The following TRIM44 variants were observed in gnomAD, a reference collection of about 807,000 sequenced individuals.
The protein encoded by TRIM44 is tripartite motif containing 44.
TRIM44 carries 13 observed loss-of-function variants against 37.4 expected under a neutral mutation model. That is an observed-to-expected ratio of 0.35 (90% confidence interval 0.23 to 0.55). TRIM44 has a LOEUF of 0.55. TRIM44 is among the 20% of genes least tolerant of loss of function. The pLI is 0.89. For missense variants in TRIM44, 426 were observed against 437.2 expected (o/e 0.97, Z 0.23); for synonymous variants, 175 against 157.2 (o/e 1.11, Z -0.85).
chr11:35,780,236 A>C (rs576566652), intron 4 of TRIM44, among the ~76,000 whole-genome samples: 2 of 152,230 alleles, frequency 1.3e-5, no homozygotes, highest in Non-Finnish European at 2.9e-5. Context: ...TATTTAAAAT[A>C]GATTTATAAG....
At chr11:35,787,921 C>G (rs866826008) in intron 4 of TRIM44, among the ~76,000 whole-genome samples, 6 of 152,182 alleles carry the variant, frequency 3.9e-5, no homozygotes, top group Admixed American at 2.0e-4. Flanking sequence ...AATGAATTAC[C>G]CTGTTTATGG....
intron 2 of TRIM44, among the ~76,000 whole-genome samples, chr11:35,692,022 G>A (rs1851642117): frequency 6.6e-6 from 1 of 152,226 alleles, no homozygotes; most frequent in South Asian, 2.1e-4. Context: ...TGTGTAGCAC[G>A]TTTGCACCAT....
rs1293269430 is a variant in TRIM44, at chr11:35,663,162, G to A, written c.51G>A (p.Thr17=). ...AAFEELPHDG[T]CDECEPDEAP... ...TCGAGGAACTGCCTCACGACGGCACGTGTGACGAGTGCGAGCCCGACGAGG... is the reference window on the plus strand; with the variant it reads ...TCGAGGAACTGCCTCACGACGGCACATGTGACGAGTGCGAGCCCGACGAGG... The change falls in exon 1 of 5, where the codon ACG becomes ACA. Residue 17 remains threonine, a synonymous_variant. Transcript: ENST00000299413. 1 of 1,562,036 alleles carries A rather than the reference G, an allele frequency of 6.4e-7. No homozygotes were observed. The highest frequency in any genetic ancestry group is 1.2e-5 in the South Asian group (1 of 82,224).
intron 4 of TRIM44, among the ~76,000 whole-genome samples, chr11:35,754,334 T>C (rs556254377): frequency 7.9e-5 from 12 of 152,254 alleles, no homozygotes; most frequent in Admixed American, 4.6e-4. Flanking sequence ...TAGTACAAAA[T>C]GGATAGCCAG....
intron 4 of TRIM44, among the ~76,000 whole-genome samples, chr11:35,754,953 T>C (rs990485915): frequency 7.2e-5 from 11 of 152,312 alleles, no homozygotes; most frequent in East Asian, 3.9e-4. Context: ...TGAATAGTGC[T>C]GCAATAAACA....
chr11:35,666,519 G>A (rs887264380), intron 1 of TRIM44, among the ~76,000 whole-genome samples: 6 of 152,002 alleles, frequency 3.9e-5, no homozygotes, highest in African/African-American at 9.7e-5. Flanking sequence ...TTATTGCTTC[G>A]CAGTTAAGTT....
At chr11:35,758,124 G>A (rs1852672199) in intron 4 of TRIM44, among the ~76,000 whole-genome samples, 3 of 152,250 alleles carry the variant, frequency 2.0e-5, no homozygotes, top group Non-Finnish European at 2.9e-5. Flanking sequence ...TTATTATTGT[G>A]TGGGAGTCTA....
chr11:35,758,423 A>T (rs1358037207), intron 4 of TRIM44, among the ~76,000 whole-genome samples: 2 of 152,182 alleles, frequency 1.3e-5, no homozygotes, highest in Non-Finnish European at 2.9e-5. Context: ...TCCTGAATAC[A>T]GTACACTGAT....
chr11:35,708,619 G>A lies in TRIM44; in HGVS notation c.748-17305G>A, dbSNP rs548194515. ...AGTTCATGTCCTTTGTAGGGACATG[G>A]ATGAAATTGGAAATCATCATTCTCA... On this transcript the variant is annotated intron_variant, in intron 2 of 4. Coordinates refer to ENST00000299413, the MANE Select transcript of TRIM44 (RefSeq NM_017583.6). Among the ~76,000 whole-genome samples the A allele has an allele frequency of 1.3e-4, 19 of 151,746 alleles. 1 individual carries two copies. The highest frequency in any genetic ancestry group is 6.2e-4 in the South Asian group (3 of 4,822).
At chr11:35,772,114 G>A (rs185590305) in intron 4 of TRIM44, among the ~76,000 whole-genome samples, 44 of 152,348 alleles carry the variant, frequency 2.9e-4, no homozygotes, top group Non-Finnish European at 5.6e-4. Flanking sequence ...GGTGTAAGCC[G>A]CAAGCCTTGA....
intron 2 of TRIM44, among the ~76,000 whole-genome samples, chr11:35,707,670 C>G (rs1851908384): frequency 6.8e-6 from 1 of 147,816 alleles, no homozygotes; most frequent in African/African-American, 2.4e-5. Flanking sequence ...GGAAAGGATT[C>G]CCTATTTAAT....
At chr11:35,695,716 A>AAC (rs1291185176) in intron 2 of TRIM44, among the ~76,000 whole-genome samples, 1 of 152,164 alleles carries the variant, frequency 6.6e-6, no homozygotes. Flanking sequence ...TATAGATGAA[A>AAC]ACACAATTGA....
chr11:35,663,825 C>G, intron 1 of TRIM44, 45 bp downstream of exon 1: 1 of 1,552,340 alleles, frequency 6.4e-7, no homozygotes, highest in Non-Finnish European at 8.7e-7. Context: ...GTCAGGACAC[C>G]TGGGTTTCAA....
Position 35,677,562 on chromosome 11 carries a change from T to G in TRIM44, c.670-7697T>G, listed in dbSNP as rs56799225. The stretch of plus-strand genomic sequence containing the variant: ...CTTAGCTTGTACTGCTTCTCTAAAC[T>G]TTCTGCATATTCTTTCATTTAATGT... On this transcript the variant is annotated intron_variant, in intron 1 of 4. Transcript: ENST00000299413. 8.8e-3 allele frequency among the ~76,000 whole-genome samples: 1,341 copies of G among 152,306 alleles called. 17 individuals carry two copies. Among genetic ancestry groups the G allele is most frequent in the African/African-American group, 0.03 (1,247 of 41,570 alleles).
At chr11:35,756,035 TG>T (rs1227727900) in intron 4 of TRIM44, among the ~76,000 whole-genome samples, 4 of 152,256 alleles carry the variant, frequency 2.6e-5, no homozygotes, top group African/African-American at 9.6e-5. Flanking sequence ...TTTCCAATTC[TG>T]TGAAGAAAGT....
At chr11:35,680,960 T>C (rs1371949337) in intron 1 of TRIM44, among the ~76,000 whole-genome samples, 1 of 152,216 alleles carries the variant, frequency 6.6e-6, no homozygotes, top group Non-Finnish European at 1.5e-5. Flanking sequence ...TGGGTTTATT[T>C]GGCCTTTTCT....
At chr11:35,686,591 C>T (rs765325324) in intron 2 of TRIM44, among the ~76,000 whole-genome samples, 3 of 152,064 alleles carry the variant, frequency 2.0e-5, no homozygotes, top group Non-Finnish European at 4.4e-5. Flanking sequence ...GAATCTCGCT[C>T]TGATGCCCAG....
At chr11:35,737,362 G>A (rs532827907) in intron 4 of TRIM44, among the ~76,000 whole-genome samples, 1 of 152,238 alleles carries the variant, frequency 6.6e-6, no homozygotes, top group East Asian at 1.9e-4. Context: ...CCTATGGAAT[G>A]GAAAATGAAT....
At chr11:35,703,049 C>A (rs1384663505) in intron 2 of TRIM44, among the ~76,000 whole-genome samples, 1 of 152,226 alleles carries the variant, frequency 6.6e-6, no homozygotes, top group Non-Finnish European at 1.5e-5. Flanking sequence ...GGGTCACTCC[C>A]ACCCTAATAC....
Sources: allele counts gnomAD v4.1 joint callset (sites outside exome capture counted in the v4.1 genomes callset), GRCh38; gene constraint gnomAD v4.1.1; transcripts MANE v1.5; gene names NCBI Gene and HGNC (gene_info 2026-07-23, HGNC 2026-07-21).